ANXA8: variants seen among roughly 807,000 people sequenced by gnomAD.
The protein encoded by ANXA8 is VAC-beta.
In ANXA8, 9 loss-of-function variants were observed where a neutral mutation model predicts 26.8. The observed-to-expected ratio is 0.34, with a 90% CI of 0.20 to 0.59. The LOEUF is 0.59. Ranked by LOEUF, ANXA8 falls within the 20% of genes least tolerant of loss-of-function variation. ANXA8 has a pLI of 0.84. For missense variants in ANXA8, 83 were observed against 238.5 expected (o/e 0.35, Z 4.29); for synonymous variants, 39 against 94.8 (o/e 0.41, Z 3.42).
the ANXA8 span, among the ~76,000 whole-genome samples, chr10:47,631,616 C>G: frequency 6.7e-6 from 1 of 150,348 alleles, no homozygotes; most frequent in East Asian, 1.9e-4. Flanking sequence ...AGAGGAATAA[C>G]CAGGGTTGAG....
chr10:47,585,300 A>G, the ANXA8 span, among the ~76,000 whole-genome samples: 67 of 144,516 alleles, frequency 4.6e-4, no homozygotes, highest in East Asian at 0.011. Context: ...AAGAATATAA[A>G]TAGGAAATAC....
At chr10:47,559,015 G>C in the ANXA8 span, among the ~76,000 whole-genome samples, 1 of 151,492 alleles carries the variant, frequency 6.6e-6, no homozygotes, top group Non-Finnish European at 1.5e-5. Flanking sequence ...GCATTAAAAA[G>C]GGCTAAGCTT....
the ANXA8 span, among the ~76,000 whole-genome samples, chr10:47,557,096 T>C: frequency 7.8e-6 from 1 of 128,254 alleles, no homozygotes; most frequent in Non-Finnish European, 1.6e-5. Context: ...AACCTCTGTC[T>C]CCTGGGTTCA....
chr10:47,909,008 TACACACACAC>T, the ANXA8 span, among the ~76,000 whole-genome samples: 4 of 73,158 alleles, frequency 5.5e-5, 1 homozygote, highest in African/African-American at 2.5e-4. Flanking sequence ...GTGATGTATG[TACACACACAC>T]ACACACACAC....
the ANXA8 span, among the ~76,000 whole-genome samples, chr10:47,562,807 G>GA: frequency 6.7e-6 from 1 of 149,630 alleles, no homozygotes; most frequent in Non-Finnish European, 1.5e-5. Flanking sequence ...GAAAGAGGTT[G>GA]GCAGTGGGTG....
chr10:47,511,402 C>G, the ANXA8 span, among the ~76,000 whole-genome samples: 1 of 138,138 alleles, frequency 7.2e-6, no homozygotes, highest in African/African-American at 2.7e-5. Context: ...GTTTCAGATT[C>G]AGGGGCTCTG....
chr10:47,527,995 G>C, the ANXA8 span, among the ~76,000 whole-genome samples: 6 of 146,272 alleles, frequency 4.1e-5, no homozygotes, highest in East Asian at 9.9e-4. Context: ...AGCAAGAAGG[G>C]AGAAAGGACC....
At chr10:47,694,417 CTTTTTTTT>C in the ANXA8 span, among the ~76,000 whole-genome samples, 1 of 107,962 alleles carries the variant, frequency 9.3e-6, no homozygotes, top group African/African-American at 4.1e-5. Context: ...AGAAATCTTC[CTTTTTTTT>C]TTTTTTTTTT....
At chr10:47,603,621 C>T in the ANXA8 span, among the ~76,000 whole-genome samples, 46 of 148,580 alleles carry the variant, frequency 3.1e-4, 4 homozygotes, top group African/African-American at 1.1e-3. Flanking sequence ...AAGTGATTCT[C>T]CTGCTCCAGC....
At chr10:47,648,425 A>G in the ANXA8 span, among the ~76,000 whole-genome samples, 2 of 150,412 alleles carry the variant, frequency 1.3e-5, no homozygotes, top group African/African-American at 2.5e-5. Context: ...GTGGTTACAG[A>G]GACCTCAGTA....
the ANXA8 span, among the ~76,000 whole-genome samples, chr10:47,978,177 T>A: frequency 7.2e-5 from 11 of 152,000 alleles, no homozygotes; most frequent in African/African-American, 2.7e-4. Context: ...AAAAGTATTG[T>A]AAGAAAATGA....
chr10:47,986,602 G>A, the ANXA8 span: 1 of 359,590 alleles, frequency 2.8e-6, no homozygotes, highest in East Asian at 7.3e-5. Flanking sequence ...AGTTGAAGTG[G>A]CTTTGAAACC....
At chr10:47,722,602 T>C in the ANXA8 span, among the ~76,000 whole-genome samples, 2 of 139,856 alleles carry the variant, frequency 1.4e-5, no homozygotes, top group Non-Finnish European at 3.1e-5. Context: ...TCCTCTTCAC[T>C]TGGGTGTCTC....
chr10:47,959,347 CTT>C, the ANXA8 span, among the ~76,000 whole-genome samples: 1 of 147,970 alleles, frequency 6.8e-6, no homozygotes, highest in Non-Finnish European at 1.5e-5. Flanking sequence ...TCTTTACAAA[CTT>C]TCTATGTGAT....
At chr10:47,494,417 A>G in the ANXA8 span, among the ~76,000 whole-genome samples, 13 of 129,210 alleles carry the variant, frequency 1.0e-4, 1 homozygote, top group Admixed American at 2.3e-4. Context: ...AGCTGGCTGA[A>G]TCACTGAGTC....
At chr10:47,502,011 A>C in the ANXA8 span, 1 of 1,378,550 alleles carries the variant, frequency 7.3e-7, no homozygotes, top group Non-Finnish European at 9.9e-7. Context: ...TGAAATTCTG[A>C]GTTATCCTTA....
the ANXA8 span, among the ~76,000 whole-genome samples, chr10:47,733,243 C>CT: frequency 1.3e-5 from 1 of 77,696 alleles, no homozygotes; most frequent in Non-Finnish European, 2.5e-5. Context: ...CTCTTTCTTT[C>CT]TTTCTTTCTT....
the ANXA8 span, among the ~76,000 whole-genome samples, chr10:47,694,353 CT>C: frequency 6.7e-6 from 1 of 149,694 alleles, no homozygotes; most frequent in Non-Finnish European, 1.5e-5. Flanking sequence ...AGTCAGTGAA[CT>C]TAGTTGGATA....
At chr10:47,755,516 A>T in the ANXA8 span, among the ~76,000 whole-genome samples, 3 of 150,064 alleles carry the variant, frequency 2.0e-5, no homozygotes, top group African/African-American at 7.4e-5. Context: ...CGGCCTCCCA[A>T]AGTGCTGGGA....
Sources: gnomAD v4.1 joint callset for allele counts (sites outside exome capture counted in the v4.1 genomes callset) on GRCh38, gnomAD v4.1.1 for gene constraint, MANE v1.5 for transcripts, NCBI Gene and HGNC (gene_info 2026-07-23, HGNC 2026-07-21) for gene names.